RNF150: variants seen among roughly 807,000 people sequenced by gnomAD.
RNF150 encodes ring finger protein 150.
In RNF150, 24 loss-of-function variants were observed where a neutral mutation model predicts 39.3. The observed-to-expected ratio is 0.61, with a 90% CI of 0.44 to 0.86. The LOEUF (loss-of-function observed/expected upper bound fraction) is 0.86. Ranked by LOEUF, RNF150 falls within the 40% of genes least tolerant of loss-of-function variation. RNF150 has a pLI of 0.00. For synonymous variants in RNF150, 255 were observed against 227.3 expected, an observed-to-expected ratio of 1.12 and a Z score of -1.10; for missense variants, 502 against 587.8, an observed-to-expected ratio of 0.85 and a Z score of 1.51.
In RNF150 at chr4:141,132,732, A is replaced by G; in HGVS notation, c.77T>C (p.Leu26Pro). Residue 26 changes from leucine to proline, a missense_variant, in exon 1 of 7, where the codon CTG (leucine) becomes CCG (proline). Transcript: ENST00000515673. This position sits in a 1 kb window ranked among gnomAD's most constrained non-coding sequence, Gnocchi z 4.9. ...TWLLSFCFVH[L>P]LCLDFTVAEK... is the part of the protein sequence containing the mutation. ...GGCCACGGTAAAGTCCAGGCAGAGC[A>G]GATGCACGAAACAAAAGGAAAGCAG... 6.2e-7 allele frequency: 1 copy of G among 1,610,624 alleles called. No individual in the cohort carries two copies. The highest frequency in any genetic ancestry group is 8.5e-7 in the Non-Finnish European group (1 of 1,178,682).
chr4:141,183,705 T>G (rs1464079710), intron 1 of RNF150, among the ~76,000 whole-genome samples: 2 of 151,990 alleles, frequency 1.3e-5, no homozygotes, highest in African/African-American at 2.4e-5. Context: ...CGCCTCCCTG[T>G]GTCCATGTGT....
chr4:141,096,069 G>A (rs1008215911), intron 1 of RNF150, among the ~76,000 whole-genome samples: 1 of 151,942 alleles, frequency 6.6e-6, no homozygotes, highest in African/African-American at 2.4e-5. Flanking sequence ...TGCAGGAGAG[G>A]ATTAATGGCC....
intron 6 of RNF150, among the ~76,000 whole-genome samples, chr4:140,883,941 G>A (rs1729469183): frequency 6.6e-6 from 1 of 151,818 alleles, no homozygotes; most frequent in Admixed American, 6.6e-5. Flanking sequence ...TGATGGTACA[G>A]CATAAGTCCC....
chr4:141,015,634 G>C (rs921524590), intron 1 of RNF150, among the ~76,000 whole-genome samples: 1 of 152,014 alleles, frequency 6.6e-6, no homozygotes, highest in Non-Finnish European at 1.5e-5. Context: ...TCATTTATCA[G>C]TCCTAACAAT....
At chr4:140,992,972 TCTC>T (rs1734248267) in intron 1 of RNF150, among the ~76,000 whole-genome samples, 2 of 151,510 alleles carry the variant, frequency 1.3e-5, no homozygotes, top group African/African-American at 2.4e-5. Context: ...TGGTATCACT[TCTC>T]CTCCCCAGGA....
At chr4:141,186,437 T>C (rs6825259) in intron 1 of RNF150, among the ~76,000 whole-genome samples, 142,362 of 152,224 alleles carry the variant, frequency 0.94, 67,322 homozygotes, top group Non-Finnish European at 1. Context: ...TCTCTCCCTT[T>C]GCCCAGGCTG....
intron 1 of RNF150, among the ~76,000 whole-genome samples, chr4:141,208,415 C>T (rs1025785671): frequency 2.0e-5 from 3 of 152,280 alleles, no homozygotes; most frequent in Non-Finnish European, 1.5e-5. Flanking sequence ...AAGCACTTAG[C>T]GATTTCAGAT....
At chr4:140,905,538 A>G (rs1463385381) in intron 6 of RNF150, among the ~76,000 whole-genome samples, 2 of 152,178 alleles carry the variant, frequency 1.3e-5, no homozygotes, top group African/African-American at 4.8e-5. Flanking sequence ...GGCAATAAAA[A>G]TGGAAAAGAA....
rs114089118 is a variant in RNF150, at chr4:141,188,102, A to T, written c.-6+24692T>A. Among the ~76,000 whole-genome samples, 350 of 152,312 alleles carry T rather than the reference A, an allele frequency of 2.3e-3. 1 individual carries two copies. Among genetic ancestry groups the T allele is most frequent in the Non-Finnish European group, 3.9e-3 (265 of 68,030 alleles). On this transcript the variant is annotated intron_variant, in intron 1 of 7. Coordinates refer to the RNF150 transcript ENST00000420921. ...AAAGGATTGTGTTTCTCTTTTGCTT[A>T]TGAAGTTTAGTTTGGCTGAATACGA...
At chr4:140,870,900 A>G (rs1178236247) in intron 6 of RNF150, among the ~76,000 whole-genome samples, 1 of 151,652 alleles carries the variant, frequency 6.6e-6, no homozygotes, top group African/African-American at 2.4e-5. Flanking sequence ...GAATTTCAGG[A>G]GAGACTGGGA....
At chr4:141,144,844 T>C (rs1183945707) in intron 1 of RNF150, among the ~76,000 whole-genome samples, 4 of 151,970 alleles carry the variant, frequency 2.6e-5, no homozygotes, top group Non-Finnish European at 4.4e-5. Context: ...TCAATAAACG[T>C]AGAAGGAAGG....
At chr4:141,098,401 T>C (rs1738882335) in intron 1 of RNF150, among the ~76,000 whole-genome samples, 1 of 152,164 alleles carries the variant, frequency 6.6e-6, no homozygotes, top group Non-Finnish European at 1.5e-5. Flanking sequence ...CAGCCAAGAC[T>C]CCGTAATGCA....
intron 1 of RNF150, among the ~76,000 whole-genome samples, chr4:141,188,250 C>T (rs952874872): frequency 1.3e-5 from 2 of 152,142 alleles, no homozygotes; most frequent in African/African-American, 4.8e-5. Flanking sequence ...TTGTGGGTAA[C>T]CCGACCTTTC....
intron 1 of RNF150, among the ~76,000 whole-genome samples, chr4:141,077,221 TTA>T (rs1241713400): frequency 3.0e-4 from 45 of 152,302 alleles, no homozygotes; most frequent in African/African-American, 1.0e-3. Context: ...TACAGCAGCT[TTA>T]CATATAATGG....
At chr4:140,985,770 G>A (rs759957356) in intron 1 of RNF150, among the ~76,000 whole-genome samples, 1 of 151,864 alleles carries the variant, frequency 6.6e-6, no homozygotes, top group Non-Finnish European at 1.5e-5. Context: ...TTGGATATAT[G>A]GGTTATATAA....
intron 6 of RNF150, among the ~76,000 whole-genome samples, chr4:140,903,827 T>G (rs897141894): frequency 1.3e-5 from 2 of 152,210 alleles, no homozygotes; most frequent in African/African-American, 4.8e-5. Flanking sequence ...TGTGTCATAC[T>G]CAGGCTGAGT....
At position 140,868,086 on chromosome 4, in the gene RNF150, C is replaced by T. The variant is rs1728782865; in HGVS notation, c.*175G>A. 9.0e-6 allele frequency: 5 copies of T among 557,990 alleles called. No homozygotes were observed. The South Asian group carries it at 1.3e-4, about 14-fold the overall frequency. 34.6% of individuals were successfully genotyped at this position (557,990 alleles called of 1,614,324 possible). A position where few individuals can be genotyped will look rare whatever the true frequency, so the allele number is the denominator to read the frequency against. On this transcript the variant is annotated 3_prime_UTR_variant, in exon 7 of 7. Transcript: ENST00000515673. ...ACAGACTGCCATACCGATGGAGAAA[C>T]TGCATCCTGATTGACAAGACTTTGG...
chr4:140,939,250 A>G (rs1225062889), intron 4 of RNF150, among the ~76,000 whole-genome samples: 1 of 152,194 alleles, frequency 6.6e-6, no homozygotes, highest in Non-Finnish European at 1.5e-5. Flanking sequence ...TTGGTCTCAT[A>G]TGAAACTGTT....
rs1728718328 is a variant in RNF150 at position 140,866,575 on chromosome 4, G to A, written c.*1686C>T. 6.6e-6 allele frequency: 1 copy of A among 152,172 alleles called. No homozygotes were observed. Among genetic ancestry groups the A allele is most frequent in the African/African-American group, 2.4e-5 (1 of 41,448 alleles). The allele number at this position is 152,172 out of a possible 1,614,324, so 9.4% of individuals were successfully genotyped here. A position where few individuals can be genotyped will look rare whatever the true frequency, so the allele number is the denominator to read the frequency against. On this transcript the variant is annotated 3_prime_UTR_variant, in exon 7 of 7. Coordinates refer to ENST00000515673, the MANE Select transcript of RNF150 (RefSeq NM_020724.2). Reference sequence around the variant, plus strand: ...CAAATAGGAAATTGGTAAAGGTGGTGAAAAAGGAGCAGCTAGTATTCTCCG... The same window carrying A: ...CAAATAGGAAATTGGTAAAGGTGGTAAAAAAGGAGCAGCTAGTATTCTCCG...
Sources: gnomAD v4.1 joint callset for allele counts (sites outside exome capture counted in the v4.1 genomes callset) on GRCh38, gnomAD v4.1.1 for gene constraint, Gnocchi (gnomAD v3.1) non-coding constraint, MANE v1.5 for transcripts, NCBI Gene and HGNC (gene_info 2026-07-23, HGNC 2026-07-21) for gene names.